SSC4D: variants seen among roughly 807,000 people sequenced by gnomAD.
The protein encoded by SSC4D is scavenger receptor cysteine rich family member with 4 domains.
SSC4D carries 57 observed loss-of-function variants against 63.4 expected under a neutral mutation model. That is an observed-to-expected ratio of 0.90 (90% CI 0.73 to 1.12). The LOEUF is 1.12. Among genes scored for constraint, SSC4D ranks in the 50% most tolerant of loss-of-function variants. The pLI, the probability that SSC4D is intolerant of heterozygous loss-of-function variation, is 0.00. For synonymous variants in SSC4D, 352 were observed against 345.4 expected (o/e 1.02, Z -0.21); for missense variants, 791 against 806.4 (o/e 0.98, Z 0.23).
At position 76,397,787 on chromosome 7, in the gene SSC4D, C is replaced by A. The variant is rs1452542195; in HGVS notation, c.599G>T (p.Gly200Val). 1 of 1,606,934 alleles carries A rather than the reference C, an allele frequency of 6.2e-7. No homozygotes were observed. Among genetic ancestry groups the A allele is most frequent in the Non-Finnish European group, 8.5e-7 (1 of 1,175,628 alleles). Residue 200 changes from glycine (G) to valine (V), a missense_variant, in exon 6 of 11, where the codon GGC becomes GTC. Coordinates refer to ENST00000275560, the MANE Select transcript of SSC4D (RefSeq NM_080744.2). ...GCCACTGTGCAGGATCTCCACTCGGCCCTGACACAGGTTCGCGCCCCCTAC... is the reference window on the plus strand; with the variant it reads ...GCCACTGTGCAGGATCTCCACTCGGACCTGACACAGGTTCGCGCCCCCTAC... ...RLVGGANLCQGRVEILHSGLW... is the reference protein window; with the variant it reads ...RLVGGANLCQVRVEILHSGLW...
At chr7:76,403,176 T>C (rs1584030104) in intron 2 of SSC4D, among the ~76,000 whole-genome samples, 1 of 152,002 alleles carries the variant, frequency 6.6e-6, no homozygotes, top group African/African-American at 2.4e-5. Flanking sequence ...AGAGTGGAGG[T>C]GGGAGAGGAA....
At chr7:76,406,869 C>CT (rs1439157931) in intron 1 of SSC4D, among the ~76,000 whole-genome samples, 1 of 151,752 alleles carries the variant, frequency 6.6e-6, no homozygotes, top group African/African-American at 2.4e-5. Context: ...CCTTCCTTCA[C>CT]TTTTTTTATG....
chr7:76,403,539 T>C (rs1804895752), intron 2 of SSC4D, among the ~76,000 whole-genome samples: 1 of 151,870 alleles, frequency 6.6e-6, no homozygotes, highest in South Asian at 2.1e-4. Context: ...GGTTTCACCA[T>C]GTTGGCCGGG....
intron 9 of SSC4D, 130 bp downstream of exon 9, chr7:76,393,275 C>A: frequency 1.0e-6 from 1 of 997,336 alleles, no homozygotes; most frequent in Non-Finnish European, 1.3e-6. Context: ...GGGCGGCGCC[C>A]CTCTGCGGAG....
In SSC4D at chr7:76,400,545, T is replaced by C. The variant is rs780170759; in HGVS notation, c.216A>G (p.Glu72=). 1 of 1,533,338 alleles carries C rather than the reference T, an allele frequency of 6.5e-7. No individual in the cohort carries two copies. Among genetic ancestry groups the C allele is most frequent in the South Asian group, 1.2e-5 (1 of 82,686 alleles). The allele number at this position is 1,533,338 out of a possible 1,614,324, so 95.0% of individuals were successfully genotyped here. ...GGPSRCRGRL[E]VMHGGSWGSV... ...TGCCCCAGGAGCCACCGTGCATGAC[T>C]TCCAGGCGGCCCCGGCAGCGGCTGG... The change falls in exon 4 of 11, where the codon GAA becomes GAG. Residue 72 remains glutamate, a synonymous_variant. Transcript: ENST00000275560.
intron 1 of SSC4D, among the ~76,000 whole-genome samples, chr7:76,405,384 A>G (rs556899829): frequency 7.5e-4 from 64 of 85,702 alleles, no homozygotes; most frequent in African/African-American, 2.9e-3. Flanking sequence ...GTTTCACCAT[A>G]TTGGCCAGGC....
At chr7:76,403,852 C>G (rs983705195) in intron 2 of SSC4D, among the ~76,000 whole-genome samples, 1 of 147,210 alleles carries the variant, frequency 6.8e-6, no homozygotes, top group Admixed American at 6.8e-5. Context: ...AGTAGGGACG[C>G]GGGTTTCACC....
chr7:76,401,896 C>T (rs955712227), intron 2 of SSC4D, among the ~76,000 whole-genome samples: 10 of 152,200 alleles, frequency 6.6e-5, no homozygotes, highest in African/African-American at 1.7e-4. Flanking sequence ...CCAGACTCTC[C>T]GCTCAGAACC....
In SSC4D at chr7:76,398,221, TTTC is replaced by T. The variant is rs1306015355; in HGVS notation, c.554-392_554-390del. 5.3e-5 allele frequency among the ~76,000 whole-genome samples: 8 copies of T among 152,110 alleles called. No homozygotes were observed. In the East Asian group the frequency reaches 1.5e-3, roughly 29 times the overall value. On this transcript the variant is annotated intron_variant, in intron 5 of 10. Coordinates refer to ENST00000275560, the MANE Select transcript of SSC4D (RefSeq NM_080744.2). ...GTCCCTCTTTTAGAGCACTTTTCAT[TTTC>T]TTCTTCTAGTCATGATCATCATTCT... is the stretch of plus-strand genomic sequence containing the variant.
At chr7:76,395,190 C>T (rs1804607706) in intron 7 of SSC4D, 63 bp downstream of exon 7, 1 of 1,585,612 alleles carries the variant, frequency 6.3e-7, no homozygotes, top group Non-Finnish European at 8.7e-7. Flanking sequence ...GAACATTCTT[C>T]CCAGTTCCCA....
intron 6 of SSC4D, among the ~76,000 whole-genome samples, chr7:76,395,628 A>G (rs1584019785): frequency 6.6e-6 from 1 of 152,212 alleles, no homozygotes; most frequent in East Asian, 1.9e-4. Context: ...TCCAACAGAC[A>G]TGGAGTACAG....
chr7:76,397,707 A>T lies in SSC4D; in HGVS notation c.679T>A (p.Cys227Ser). The T allele has an allele frequency of 1.2e-6, 2 of 1,613,444 alleles. No individual in the cohort carries two copies. The highest frequency in any genetic ancestry group is 2.2e-5 in the South Asian group (2 of 91,076). Residue 227 changes from cysteine (C) to serine (S), a missense_variant, in exon 6 of 11, where the codon TGT (cysteine) becomes AGT (serine). Coordinates refer to ENST00000275560, the MANE Select transcript of SSC4D (RefSeq NM_080744.2). ...GCCGCCCCGCAGCCCAGCTGACGAC[A>T]GACCACAGCGGCATCCGGCAGCCCC... ...DWGLPDAAVV[C>S]RQLGCGAAMA...
chr7:76,393,985 A>G, intron 7 of SSC4D, 81 bp from the exon 8 acceptor site: 1 of 1,412,134 alleles, frequency 7.1e-7, no homozygotes, highest in Non-Finnish European at 9.7e-7. Context: ...GACGCCTACC[A>G]AGACCCCCAA....
rs750850278 is a variant in SSC4D, at chr7:76,395,315, G to A, written c.884C>T (p.Thr295Met). The A allele has an allele frequency of 1.7e-5, 27 of 1,613,902 alleles. No individual in the cohort carries two copies. The highest frequency in any genetic ancestry group is 1.7e-4 in the Middle Eastern group (1 of 5,820). Reference protein sequence around the residue: ...GALCAGLGPPTLTALPSSATR... With the variant: ...GALCAGLGPPMLTALPSSATR... Reference sequence around the variant, plus strand: ...GGCTGAGGATGGCAGTGCTGTGAGCGTTGGGGGACCCAGGCCTAGGGCAGG... The same window carrying A: ...GGCTGAGGATGGCAGTGCTGTGAGCATTGGGGGACCCAGGCCTAGGGCAGG... Residue 295 changes from threonine to methionine, a missense_variant, in exon 7 of 11, where the codon ACG becomes ATG. Transcript: ENST00000275560.
At chr7:76,392,264 T>C (rs1379340936) in intron 9 of SSC4D, among the ~76,000 whole-genome samples, 1 of 151,944 alleles carries the variant, frequency 6.6e-6, no homozygotes, top group Non-Finnish European at 1.5e-5. Context: ...GAGGTCAAAG[T>C]AAGGCCGGGC....
rs754520274 is a variant in SSC4D, at chr7:76,398,814, G to A, written c.476-17C>T. ...GCAAGAATTCTGGAAAGGAAGTGAA[G>A]TGGATACAGGGGTCTTTCTGTTCTC... On this transcript the variant is annotated splice_polypyrimidine_tract_variant and intron_variant, in intron 4 of 10. Transcript: ENST00000275560. The A allele has an allele frequency of 1.9e-6, 3 of 1,610,734 alleles. No homozygotes were observed.
Position 76,397,831 on chromosome 7 carries a change from A to G in SSC4D, c.555T>C (p.Ser185=). The change falls in exon 6 of 11, where the codon AGT becomes AGC. Residue 185 remains serine, a splice_region_variant and synonymous_variant. Transcript: ENST00000275560. Reference sequence around the variant, plus strand: ...CCCCTACCAGGCGTACGCTGCCCTCACCTGGGGATGGGGGCGGGGGTCAGG... The same window carrying G: ...CCCCTACCAGGCGTACGCTGCCCTCGCCTGGGGATGGGGGCGGGGGTCAGG... ...APPTTLPNGK[S]EGSVRLVGGA... is the part of the protein sequence containing the mutation. 3 of 1,564,000 alleles carry G rather than the reference A, an allele frequency of 1.9e-6. No individual in the cohort carries two copies. Among genetic ancestry groups the G allele is most frequent in the Non-Finnish European group, 2.6e-6 (3 of 1,151,708 alleles).
chr7:76,400,870 G>T (rs978888540), intron 3 of SSC4D, 138 bp downstream of exon 3: 7 of 1,251,176 alleles, frequency 5.6e-6, no homozygotes, highest in Non-Finnish European at 7.8e-6. Context: ...GGAAAATGGG[G>T]AGACTACAGC....
At chr7:76,392,109 T>TCC in intron 9 of SSC4D, 68 bp from the exon 10 acceptor site, 1 of 1,483,982 alleles carries the variant, frequency 6.7e-7, no homozygotes, top group East Asian at 2.5e-5. Context: ...TAGGGCCAGG[T>TCC]CCCCTCCTGC....
Sources: allele counts gnomAD v4.1 joint callset (sites outside exome capture counted in the v4.1 genomes callset), GRCh38; gene constraint gnomAD v4.1.1; transcripts MANE v1.5; gene names NCBI Gene and HGNC (gene_info 2026-07-23, HGNC 2026-07-21).